Variants in EVL observed in about 807,000 individuals in gnomAD.
EVL encodes the protein Enah/Vasp-like, also known as ena/VASP-like protein.
EVL carries 21 observed loss-of-function variants against 59.6 expected under a neutral mutation model. The observed-to-expected ratio is 0.35, with a 90% confidence interval of 0.25 to 0.51. EVL has a LOEUF of 0.51. Ranked by LOEUF, EVL falls within the 20% of genes least tolerant of loss-of-function variation. The pLI is 0.97. For missense variants in EVL, 462 were observed against 546.6 expected (o/e 0.85, Z 1.54); for synonymous variants, 198 against 203.5 (o/e 0.97, Z 0.23).
At chr14:100,057,310 A>G (rs771658457) in intron 1 of EVL, among the ~76,000 whole-genome samples, 15 of 152,232 alleles carry the variant, frequency 9.9e-5, no homozygotes, top group Non-Finnish European at 1.9e-4. Context: ...ATGAACACCA[A>G]GTCCACGGAA....
At chr14:100,091,177 C>T in intron 2 of EVL, among the ~76,000 whole-genome samples, 1 of 152,184 alleles carries the variant, frequency 6.6e-6, no homozygotes, top group Non-Finnish European at 1.5e-5. Flanking sequence ...CTTTCTCCTG[C>T]CCTCCTTTCA....
intron 2 of EVL, among the ~76,000 whole-genome samples, chr14:100,086,229 CCTT>C (rs2062440346): frequency 1.3e-5 from 2 of 152,194 alleles, no homozygotes; most frequent in East Asian, 3.8e-4. Flanking sequence ...TTTCTAGAAA[CCTT>C]CTAGAAGCTG....
At chr14:100,099,179 CAA>C (rs57154685) in intron 3 of EVL, among the ~76,000 whole-genome samples, 3 of 51,254 alleles carry the variant, frequency 5.9e-5, no homozygotes, top group Admixed American at 2.2e-4. Context: ...CCTGTCTCTA[CAA>C]AAAAAAAAAA....
chr14:100,010,135 C>T (rs961186291), intron 1 of EVL, among the ~76,000 whole-genome samples: 3 of 152,158 alleles, frequency 2.0e-5, no homozygotes, highest in African/African-American at 7.2e-5. Flanking sequence ...CTATAGAATG[C>T]AGATTTTTCC....
rs368114263 is a variant in EVL at position 100,029,182 on chromosome 14, A to G, written c.6-55505A>G. On this transcript the variant is annotated intron_variant, in intron 1 of 13. Transcript: ENST00000402714. ...AGTGTAATAGTAGTTGCTTATGCTA[A>G]TAACAAAAGAAAACAAAGAGGAAGA... is the stretch of plus-strand genomic sequence containing the variant. Among the ~76,000 whole-genome samples the G allele has an allele frequency of 9.2e-5, 14 of 152,362 alleles. No individual in the cohort carries two copies. The East Asian group carries it at 2.3e-3, about 25-fold the overall frequency.
chr14:100,071,517 A>G (rs949428998), intron 1 of EVL, among the ~76,000 whole-genome samples: 8 of 152,198 alleles, frequency 5.3e-5, no homozygotes, highest in Non-Finnish European at 7.3e-5. Context: ...CTGCTTGTAT[A>G]TTCTTGTGTT....
rs75856082 is a variant in EVL at position 100,073,215 on chromosome 14, G to C, written c.11+7704G>C. ...TTGAAATGGTTCTTTGTTTCCTCTT[G>C]AAAAGTCTTGCTTCCCCTTCATGAC... On this transcript the variant is annotated intron_variant, in intron 1 of 13. Coordinates refer to ENST00000392920, the MANE Select transcript of EVL (RefSeq NM_016337.3). Among the ~76,000 whole-genome samples the C allele has an allele frequency of 9.5e-3, 1,437 of 151,918 alleles. 16 individuals carry two copies. Among genetic ancestry groups the C allele is most frequent in the African/African-American group, 0.033 (1,349 of 41,394 alleles).
Position 100,109,675 on chromosome 14 carries a change from G to A in EVL, c.358+12017G>A, listed in dbSNP as rs752423769. 3.8e-6 allele frequency: 2 copies of A among 532,028 alleles called. No homozygotes were observed. Among genetic ancestry groups the A allele is most frequent in the African/African-American group, 3.9e-5 (2 of 51,926 alleles). The allele number at this position is 532,028 out of a possible 1,614,324, so 33.0% of individuals were successfully genotyped here. A position where few individuals can be genotyped will look rare whatever the true frequency, so the allele number is the denominator to read the frequency against. ...CCTGTGAAACTGGGCTCAAGGTGAG[G>A]GGTGCTATCTGTGATTGAGGGACAT... On this transcript the variant is annotated intron_variant, in intron 3 of 13. Coordinates refer to ENST00000392920, the MANE Select transcript of EVL (RefSeq NM_016337.3). This position sits in a 1 kb window ranked among gnomAD's most constrained non-coding sequence, Gnocchi z 4.3.
At chr14:100,051,672 T>G (rs2061649764) in intron 1 of EVL, among the ~76,000 whole-genome samples, 1 of 152,236 alleles carries the variant, frequency 6.6e-6, no homozygotes, top group Non-Finnish European at 1.5e-5. Context: ...GTAACTTGTT[T>G]ATGGTATGGT....
intron 2 of EVL, among the ~76,000 whole-genome samples, chr14:100,093,393 GA>G (rs1434239845): frequency 6.6e-6 from 1 of 152,086 alleles, no homozygotes; most frequent in African/African-American, 2.4e-5. Context: ...TTATACAGCT[GA>G]AAAGTAATAA....
At chr14:100,093,897 A>T in intron 2 of EVL, among the ~76,000 whole-genome samples, 1 of 152,224 alleles carries the variant, frequency 6.6e-6, no homozygotes, top group East Asian at 1.9e-4. Context: ...TAAGTCATAA[A>T]TTTTAAATTA....
intron 1 of EVL, among the ~76,000 whole-genome samples, chr14:100,015,673 T>C (rs547384361): frequency 6.6e-6 from 1 of 152,334 alleles, no homozygotes; most frequent in East Asian, 1.9e-4. Flanking sequence ...AGGGAAGGCC[T>C]TGCAGCAGGG....
At chr14:100,003,040 C>G (rs2060955483) in intron 1 of EVL, among the ~76,000 whole-genome samples, 1 of 152,180 alleles carries the variant, frequency 6.6e-6, no homozygotes. Context: ...GACATAGGAG[C>G]CCGTATGCTG....
chr14:100,126,566 C>A, intron 4 of EVL, 141 bp from the exon 5 acceptor site: 1 of 784,476 alleles, frequency 1.3e-6, no homozygotes, highest in Non-Finnish European at 2.1e-6. Context: ...TAAGTGGAGG[C>A]AGCCGTGGCA....
Position 100,128,596 on chromosome 14 carries a change from C to G in EVL, c.565C>G (p.Pro189Ala). 5 of 1,535,206 alleles carry G rather than the reference C, an allele frequency of 3.3e-6. No individual in the cohort carries two copies. Among genetic ancestry groups the G allele is most frequent in the Non-Finnish European group, 4.5e-6 (5 of 1,123,012 alleles). ...ATGTAGTGGGCCTCCACCGCCCCCC[C>G]CACCCCCAGTCCCACCTCCACCCAC... ...VSCSGPPPPP[P>A]PPVPPPPTGA... Residue 189 changes from proline (P) to alanine (A), a missense_variant, in exon 6 of 14, where the codon CCA (proline) becomes GCA (alanine). Transcript: ENST00000392920.
intron 1 of EVL, among the ~76,000 whole-genome samples, chr14:99,994,112 CTTTTTTTTTT>C (rs751533422): frequency 1.8e-5 from 1 of 55,154 alleles, no homozygotes; most frequent in Non-Finnish European, 3.3e-5. Flanking sequence ...AGCCTTTTGG[CTTTTTTTTTT>C]TTTTTTTTTT....
chr14:100,076,277 C>T (rs902094765), intron 1 of EVL, among the ~76,000 whole-genome samples: 5 of 152,176 alleles, frequency 3.3e-5, no homozygotes, highest in South Asian at 2.1e-4. Context: ...TGTGCTGGGC[C>T]GTTTGTGGGC....
chr14:100,143,659 C>G (rs1465152001), intron 13 of EVL, 42 bp from the exon 14 acceptor site: 3 of 1,565,334 alleles, frequency 1.9e-6, no homozygotes, highest in Admixed American at 1.9e-5. Context: ...CCGGGCTGCA[C>G]TGGTCATGGC....
rs577493257 is a variant in EVL, at chr14:100,084,657, G to A, written c.12-30G>A. On this transcript the variant is annotated intron_variant, in intron 1 of 13. Coordinates refer to ENST00000392920, the MANE Select transcript of EVL (RefSeq NM_016337.3). Reference sequence around the variant, plus strand: ...GTCAACTTCCATCCACTGTAGCTGAGGCTGACACCAGTTTTTTCTTGCTCG... The same window carrying A: ...GTCAACTTCCATCCACTGTAGCTGAAGCTGACACCAGTTTTTTCTTGCTCG... The A allele has an allele frequency of 5.6e-6, 9 of 1,611,182 alleles. No homozygotes were observed. The East Asian group carries it at 2.0e-4, about 36-fold the overall frequency.
Sources: allele counts gnomAD v4.1 joint callset (sites outside exome capture counted in the v4.1 genomes callset), GRCh38; gene constraint gnomAD v4.1.1; non-coding constraint Gnocchi (gnomAD v3.1); transcripts MANE v1.5; gene names NCBI Gene and HGNC (gene_info 2026-07-23, HGNC 2026-07-21).